The following LRRFIP1 variants were observed in gnomAD, a reference collection of about 807,000 sequenced individuals.
The protein encoded by LRRFIP1 is leucine-rich repeat flightless-interacting protein 1.
Under a neutral mutation model 104.4 loss-of-function variants are expected in LRRFIP1, and 62 were observed. The observed-to-expected ratio is 0.59, with a 90% CI of 0.48 to 0.73. The LOEUF is 0.73. Ranked by LOEUF, LRRFIP1 falls within the 30% of genes least tolerant of loss-of-function variation. The pLI is 0.00. For synonymous variants in LRRFIP1, 300 were observed against 299.0 expected (o/e 1.00, Z -0.03); for missense variants, 796 against 824.5 (o/e 0.97, Z 0.42).
chr2:237,715,789 G>C (rs2094309880), intron 3 of LRRFIP1, among the ~76,000 whole-genome samples: 1 of 152,214 alleles, frequency 6.6e-6, no homozygotes, highest in Admixed American at 6.5e-5. Flanking sequence ...CCGGATCATG[G>C]TAGTGATTGA....
intron 15 of LRRFIP1, among the ~76,000 whole-genome samples, chr2:237,754,961 GC>G (rs961654447): frequency 6.6e-6 from 1 of 152,190 alleles, no homozygotes; most frequent in Non-Finnish European, 1.5e-5. Flanking sequence ...CCACAGGAGG[GC>G]CCTTGTCATA....
chr2:237,749,024 G>C (rs1465425791), intron 12 of LRRFIP1, among the ~76,000 whole-genome samples, 175 bp from the exon 13 acceptor site: 6 of 152,164 alleles, frequency 3.9e-5, no homozygotes, highest in Admixed American at 1.3e-4. Flanking sequence ...GATCTCCTGG[G>C]AGCCCACTCA....
intron 16 of LRRFIP1, 77 bp downstream of exon 16, chr2:237,756,264 A>C (rs1244356438): frequency 5.8e-6 from 6 of 1,027,024 alleles, no homozygotes; most frequent in Non-Finnish European, 7.4e-6. Context: ...ATCTTAGCTT[A>C]GGCTGCAGTA....
At chr2:237,627,894 C>A (rs2081805507) in intron 1 of LRRFIP1, among the ~76,000 whole-genome samples, 154 bp downstream of exon 1, 1 of 150,794 alleles carries the variant, frequency 6.6e-6, no homozygotes, top group Non-Finnish European at 1.5e-5. Context: ...CGCGCCGGGG[C>A]GCTGATCCCC....
At chr2:237,768,978 AG>A (rs1425302649) in intron 19 of LRRFIP1, 5 of 152,318 alleles carry the variant, frequency 3.3e-5, no homozygotes, top group Admixed American at 2.0e-4. Context: ...TGCAGTGTTT[AG>A]GGGAGTGTTC....
intron 11 of LRRFIP1, among the ~76,000 whole-genome samples, chr2:237,744,622 T>TC (rs1210263658): frequency 1.3e-5 from 2 of 152,254 alleles, no homozygotes; most frequent in Non-Finnish European, 2.9e-5. Flanking sequence ...AAACTAAACT[T>TC]CCACAGACGT....
chr2:237,737,363 C>G (rs956430301), intron 10 of LRRFIP1, among the ~76,000 whole-genome samples: 6 of 152,130 alleles, frequency 3.9e-5, no homozygotes, highest in African/African-American at 1.4e-4. Flanking sequence ...GCCACGTGGC[C>G]AACAAGAGAT....
At position 237,727,940 on chromosome 2, in the gene LRRFIP1, G is replaced by C; in HGVS notation, c.444+5G>C. ...CTGAATAGAAGATCTGGCAGGGTTA[G>C]TATAGTAAATTTGCATGGCTCAAAA... On this transcript the variant is annotated splice_donor_5th_base_variant and intron_variant, in intron 8 of 23. Transcript: ENST00000308482. 1 of 1,601,258 alleles carries C rather than the reference G, an allele frequency of 6.2e-7. No homozygotes were observed. Among genetic ancestry groups the C allele is most frequent in the South Asian group, 1.1e-5 (1 of 88,880 alleles).
intron 1 of LRRFIP1, among the ~76,000 whole-genome samples, chr2:237,690,966 C>G (rs2092716473): frequency 6.6e-6 from 1 of 151,830 alleles, no homozygotes; most frequent in South Asian, 2.1e-4. Flanking sequence ...TTCCTTCTCC[C>G]CTATCCCTCC....
At chr2:237,673,394 C>T (rs1056886735) in intron 1 of LRRFIP1, among the ~76,000 whole-genome samples, 1 of 152,176 alleles carries the variant, frequency 6.6e-6, no homozygotes, top group African/African-American at 2.4e-5. Flanking sequence ...GGTGAAGCCT[C>T]GCCAGGGTCT....
At chr2:237,645,173 AG>A (rs2084673498) in intron 1 of LRRFIP1, among the ~76,000 whole-genome samples, 1 of 152,210 alleles carries the variant, frequency 6.6e-6, no homozygotes, top group Non-Finnish European at 1.5e-5. Context: ...GTAAATTTGG[AG>A]AGAGATACTC....
rs762499404 is a variant in LRRFIP1, at chr2:237,627,631, G to C, written c.-14G>C. Reference sequence around the variant, plus strand: ...GAGCAACGGGCCCCGCGGCAGCTGCGGGCGACGCGGTCGATGGACATGGGC... The same window carrying C: ...GAGCAACGGGCCCCGCGGCAGCTGCCGGCGACGCGGTCGATGGACATGGGC... On this transcript the variant is annotated 5_prime_UTR_variant, in exon 1 of 24. Transcript: ENST00000308482. 7.7e-7 allele frequency: 1 copy of C among 1,299,834 alleles called. No homozygotes were observed. Among genetic ancestry groups the C allele is most frequent in the South Asian group, 1.9e-5 (1 of 53,914 alleles). The allele number at this position is 1,299,834 out of a possible 1,614,324, so 80.5% of individuals were successfully genotyped here. A position where few individuals can be genotyped will look rare whatever the true frequency, so the allele number is the denominator to read the frequency against.
At chr2:237,750,673 C>T (rs539092896) in intron 13 of LRRFIP1, among the ~76,000 whole-genome samples, 1 of 152,198 alleles carries the variant, frequency 6.6e-6, no homozygotes, top group African/African-American at 2.4e-5. Context: ...GCAGAGTTGG[C>T]GGCAGTCCTG....
intron 6 of LRRFIP1, among the ~76,000 whole-genome samples, chr2:237,723,298 G>GT (rs2094600461): frequency 6.6e-6 from 1 of 152,202 alleles, no homozygotes; most frequent in Non-Finnish European, 1.5e-5. Flanking sequence ...TTATCAAACT[G>GT]TTTCAGACTT....
At position 237,766,012 on chromosome 2, in the gene LRRFIP1, T is replaced by C. The variant is rs2060231270; in HGVS notation, c.1460-3931T>C. 1.3e-6 allele frequency: 1 copy of C among 776,520 alleles called. No homozygotes were observed. Among genetic ancestry groups the C allele is most frequent in the African/African-American group, 1.9e-5 (1 of 52,968 alleles). The allele number at this position is 776,520 out of a possible 1,614,324, so 48.1% of individuals were successfully genotyped here. ...GTAATATCTGCTTGGGGGTTGCTGA[T>C]TCCTATTGGGGTTCCGTGGAAGACC... On this transcript the variant is annotated intron_variant, in intron 19 of 23. Coordinates refer to ENST00000308482, the MANE Select transcript of LRRFIP1 (RefSeq NM_001137550.2). This position sits in a 1 kb window ranked among gnomAD's most constrained non-coding sequence, Gnocchi z 4.8.
At chr2:237,688,961 C>T (rs2092588182) in intron 1 of LRRFIP1, among the ~76,000 whole-genome samples, 1 of 149,678 alleles carries the variant, frequency 6.7e-6, no homozygotes, top group Non-Finnish European at 1.5e-5. Flanking sequence ...CACACCCACA[C>T]CCTGACTTCT....
chr2:237,733,862 G>A (rs762832134), intron 9 of LRRFIP1, 44 bp downstream of exon 9: 3 of 1,605,346 alleles, frequency 1.9e-6, no homozygotes, highest in African/African-American at 1.3e-5. Flanking sequence ...CCCTCCCACT[G>A]TGCATGCACC....
chr2:237,711,614 G>A lies in LRRFIP1; in HGVS notation c.184-2645G>A, dbSNP rs370457397. Reference sequence around the variant, plus strand: ...GCGGCTGTGACACAGGGCGGGCGTCGTGGGCGCGGCTGTGGACTCCTGCCT... The same window carrying A: ...GCGGCTGTGACACAGGGCGGGCGTCATGGGCGCGGCTGTGGACTCCTGCCT... On this transcript the variant is annotated intron_variant, in intron 2 of 23. Coordinates refer to ENST00000308482, the MANE Select transcript of LRRFIP1 (RefSeq NM_001137550.2). The surrounding 1 kb of genome is among the most constrained non-coding windows in gnomAD (Gnocchi z 4.4). Among the ~76,000 whole-genome samples the A allele has an allele frequency of 2.6e-4, 40 of 152,314 alleles. No homozygotes were observed. Among genetic ancestry groups the A allele is most frequent in the East Asian group, 2.1e-3 (11 of 5,174 alleles).
In LRRFIP1 at chr2:237,720,823, G is replaced by T; in HGVS notation, c.345+1G>T. Reference sequence around the variant, plus strand: ...AGTGGGTAGTCGTGGAAGCCTGAGGGTCAGTAACCAGAATGATGGAGTTTG... The same window carrying T: ...AGTGGGTAGTCGTGGAAGCCTGAGGTTCAGTAACCAGAATGATGGAGTTTG... On this transcript the variant is annotated splice_donor_variant, in intron 6 of 23. Transcript: ENST00000308482. LOFTEE classifies it high-confidence loss of function. The T allele has an allele frequency of 6.2e-7, 1 of 1,613,946 alleles. No individual in the cohort carries two copies. The highest frequency in any genetic ancestry group is 8.5e-7 in the Non-Finnish European group (1 of 1,179,790).
Sources: allele counts gnomAD v4.1 joint callset (sites outside exome capture counted in the v4.1 genomes callset), GRCh38; gene constraint gnomAD v4.1.1; non-coding constraint Gnocchi (gnomAD v3.1); transcripts MANE v1.5; gene names NCBI Gene and HGNC (gene_info 2026-07-23, HGNC 2026-07-21).